Variants in WBP1L observed in about 807,000 individuals in gnomAD.
WBP1L encodes the protein WW domain binding protein 1 like, also known as WW domain binding protein 1-like.
WBP1L carries 17 observed loss-of-function variants against 33.7 expected under a neutral mutation model. The ratio of observed to expected loss-of-function variants is 0.50; its 90% CI spans 0.34 to 0.76. The LOEUF is 0.76. Ranked by LOEUF, WBP1L falls within the 30% of genes least tolerant of loss-of-function variation. The probability of loss-of-function intolerance (pLI) is 0.01; values close to 1 mark genes in which losing one functional copy is unlikely to be tolerated. For missense variants in WBP1L, 389 were observed against 469.4 expected (o/e 0.83, Z 1.58); for synonymous variants, 173 against 190.8 (o/e 0.91, Z 0.77).
intron 1 of WBP1L, among the ~76,000 whole-genome samples, chr10:102,772,727 G>C (rs377535220): frequency 6.6e-6 from 1 of 150,550 alleles, no homozygotes; most frequent in South Asian, 2.1e-4. Flanking sequence ...GTGCCACCAT[G>C]CCCAGCTAAT....
chr10:102,745,730 T>G (rs1842857199), intron 1 of WBP1L, among the ~76,000 whole-genome samples: 1 of 152,224 alleles, frequency 6.6e-6, no homozygotes, highest in Non-Finnish European at 1.5e-5. Flanking sequence ...GATATGTTTG[T>G]GTATACTAGA....
intron 2 of WBP1L, among the ~76,000 whole-genome samples, chr10:102,799,171 C>T (rs1843616353): frequency 6.6e-6 from 1 of 152,050 alleles, no homozygotes; most frequent in Admixed American, 6.6e-5. Context: ...ACTAAAAATA[C>T]AAAAATTATC....
rs144502699 is a variant in WBP1L at position 102,779,933 on chromosome 10, A to G, written c.91-18060A>G. On this transcript the variant is annotated intron_variant, in intron 1 of 3. Transcript: ENST00000448841. ...GGGGAAAGAGCATTCCGGACAGATC[A>G]GGTTGGGAGAGTTGTTTTTGTTTTC... 2.4e-3 allele frequency among the ~76,000 whole-genome samples: 368 copies of G among 152,336 alleles called. 4 individuals are homozygous for G. The highest frequency in any genetic ancestry group is 8.5e-3 in the African/African-American group (352 of 41,584).
intron 2 of WBP1L, among the ~76,000 whole-genome samples, chr10:102,798,562 C>G (rs572211876): frequency 7.9e-5 from 12 of 152,108 alleles, no homozygotes; most frequent in Non-Finnish European, 1.8e-4. Flanking sequence ...GTAGCTGGTA[C>G]TACAGGTGTG....
intron 1 of WBP1L, among the ~76,000 whole-genome samples, chr10:102,751,889 A>C (rs77862843): frequency 0.015 from 2,322 of 152,322 alleles, 66 homozygotes; most frequent in African/African-American, 0.053. Context: ...ATATATGTAA[A>C]GCTCTTGGAA....
intron 1 of WBP1L, among the ~76,000 whole-genome samples, chr10:102,759,241 T>C (rs1843011160): frequency 6.6e-6 from 1 of 152,250 alleles, no homozygotes; most frequent in South Asian, 2.1e-4. Flanking sequence ...GCGGCCCTTA[T>C]GCGGGCATGA....
intron 1 of WBP1L, among the ~76,000 whole-genome samples, chr10:102,772,253 C>T (rs1047874773): frequency 3.9e-4 from 49 of 125,646 alleles, no homozygotes; most frequent in African/African-American, 1.4e-3. Flanking sequence ...CCACTGCGCC[C>T]GGCCTTTTTT....
At chr10:102,807,308 C>T (rs1843750991) in intron 2 of WBP1L, among the ~76,000 whole-genome samples, 2 of 105,200 alleles carry the variant, frequency 1.9e-5, no homozygotes, top group African/African-American at 6.2e-5. Context: ...AACAAAGGAG[C>T]AGGTACTGTC....
chr10:102,756,413 G>A (rs532212713), intron 1 of WBP1L, among the ~76,000 whole-genome samples: 3 of 152,000 alleles, frequency 2.0e-5, no homozygotes, highest in African/African-American at 7.2e-5. Flanking sequence ...CTGTCTCAGG[G>A]GGGTGGTGGG....
At position 102,813,433 on chromosome 10, in the gene WBP1L, C is replaced by T. The variant is rs953727648; in HGVS notation, c.*102C>T. The T allele has an allele frequency of 7.7e-6, 11 of 1,422,198 alleles. No individual in the cohort carries two copies. In the African/African-American group the frequency reaches 1.6e-4, roughly 20 times the overall value. 88.1% of individuals were successfully genotyped at this position (1,422,198 alleles called of 1,614,324 possible). On this transcript the variant is annotated 3_prime_UTR_variant, in exon 4 of 4. Transcript: ENST00000448841. ...CTTTCAAAGACTTTCAGAGTACAGC[C>T]ACTTGGTTCCTTTTTGTTTGTTTTC...
At position 102,796,154 on chromosome 10, in the gene WBP1L, G is replaced by A. The variant is rs201182222; in HGVS notation, c.91-1839G>A. On this transcript the variant is annotated intron_variant, in intron 1 of 3. Transcript: ENST00000448841. ...TATGAGAAATCCAACTTGATAGCCA[G>A]TGTCTCATTTTGCTTATGGTGGACA... Among the ~76,000 whole-genome samples the A allele has an allele frequency of 2.7e-5, 4 of 148,698 alleles. No homozygotes were observed. In the East Asian group the frequency reaches 8.4e-4, roughly 31 times the overall value.
intron 1 of WBP1L, among the ~76,000 whole-genome samples, chr10:102,775,694 C>A (rs1248212950): frequency 1.3e-5 from 2 of 152,118 alleles, no homozygotes; most frequent in African/African-American, 4.8e-5. Flanking sequence ...CAAGCCCCCG[C>A]TGCGAATTGC....
At chr10:102,777,725 C>T (rs771951426) in intron 1 of WBP1L, among the ~76,000 whole-genome samples, 4 of 152,012 alleles carry the variant, frequency 2.6e-5, no homozygotes, top group African/African-American at 4.8e-5. Flanking sequence ...CCACTATACC[C>T]GGCTAAGTTT....
intron 1 of WBP1L, among the ~76,000 whole-genome samples, chr10:102,750,558 C>T (rs1199229479): frequency 6.6e-6 from 1 of 150,830 alleles, no homozygotes; most frequent in Non-Finnish European, 1.5e-5. Context: ...CGGTGTCTTG[C>T]TCCGTCGCCC....
At position 102,777,584 on chromosome 10, in the gene WBP1L, T is replaced by C. The variant is rs531107543; in HGVS notation, c.91-20409T>C. ...TCCTTTTTTTTTTTTTTTTTTTTTT[T>C]TTTGAGATGGAGTCTCACTCTGTTG... On this transcript the variant is annotated intron_variant, in intron 1 of 3. Transcript: ENST00000448841. Among the ~76,000 whole-genome samples the C allele has an allele frequency of 5.7e-3, 834 of 145,394 alleles. 1 individual carries two copies. The highest frequency in any genetic ancestry group is 0.019 in the African/African-American group (728 of 38,728).
At chr10:102,788,122 ACTTT>A (rs1272421480) in intron 1 of WBP1L, among the ~76,000 whole-genome samples, 7 of 148,408 alleles carry the variant, frequency 4.7e-5, no homozygotes, top group South Asian at 2.1e-4. Flanking sequence ...CGTGATCTTA[ACTTT>A]CTTTCTTTCT....
chr10:102,750,186 T>A (rs1842911648), intron 1 of WBP1L, among the ~76,000 whole-genome samples: 1 of 151,358 alleles, frequency 6.6e-6, no homozygotes, highest in African/African-American at 2.4e-5. Flanking sequence ...GGCGGGTGGA[T>A]CATTTGAGGT....
At chr10:102,766,643 G>T (rs1843114926) in intron 1 of WBP1L, among the ~76,000 whole-genome samples, 1 of 150,932 alleles carries the variant, frequency 6.6e-6, no homozygotes, top group South Asian at 2.1e-4. Flanking sequence ...AGCCGGCCTG[G>T]CCAACATGGT....
intron 1 of WBP1L, among the ~76,000 whole-genome samples, chr10:102,780,751 C>A (rs2134045492): frequency 6.6e-6 from 1 of 152,306 alleles, no homozygotes. Flanking sequence ...AGAGGCAACC[C>A]TTCTGCAGGT....
Sources: allele counts gnomAD v4.1 joint callset (sites outside exome capture counted in the v4.1 genomes callset), GRCh38; gene constraint gnomAD v4.1.1; transcripts MANE v1.5; gene names NCBI Gene and HGNC (gene_info 2026-07-23, HGNC 2026-07-21).